The following DPH6 variants were observed in gnomAD, a reference collection of about 807,000 sequenced individuals.
The protein encoded by DPH6 is diphthamine biosynthesis 6.
A neutral mutation model predicts 38.2 loss-of-function variants in DPH6; 33 were observed. The observed-to-expected ratio is 0.86, with a 90% CI of 0.65 to 1.15. The LOEUF is 1.15. Among genes scored for constraint, DPH6 ranks in the 50% most tolerant of loss-of-function variants. DPH6 has a pLI of 0.00. For missense variants in DPH6, 325 were observed against 320.0 expected, an observed-to-expected ratio of 1.02 and a Z score of -0.12; for synonymous variants, 108 against 103.0, an observed-to-expected ratio of 1.05 and a Z score of -0.30.
At chr15:35,489,336 T>C (rs979500052) in intron 3 of DPH6, 1 of 985,262 alleles carries the variant, frequency 1.0e-6, no homozygotes, top group Non-Finnish European at 1.2e-6. Flanking sequence ...TAAGAATTTT[T>C]TGAAAGTGCT....
At chr15:35,161,618 A>C in the DPH6 span, among the ~76,000 whole-genome samples, 1 of 151,896 alleles carries the variant, frequency 6.6e-6, no homozygotes, top group Non-Finnish European at 1.5e-5. Flanking sequence ...AGACAAGGTC[A>C]TGAGAGTGAG....
the DPH6 span, among the ~76,000 whole-genome samples, chr15:35,162,588 A>G: frequency 6.6e-6 from 1 of 151,966 alleles, no homozygotes; most frequent in African/African-American, 2.4e-5. Flanking sequence ...TTTCTTGAAC[A>G]TTTTATCTAA....
At chr15:35,436,870 G>C (rs970637635) in intron 5 of DPH6, among the ~76,000 whole-genome samples, 1 of 149,984 alleles carries the variant, frequency 6.7e-6, no homozygotes, top group Non-Finnish European at 1.5e-5. Flanking sequence ...TCTCTCCCTT[G>C]TTGGAGGACT....
the DPH6 span, among the ~76,000 whole-genome samples, chr15:35,211,892 C>G: frequency 6.6e-6 from 1 of 152,146 alleles, no homozygotes; most frequent in African/African-American, 2.4e-5. Context: ...ATTACCTGCC[C>G]AACACTTGAC....
At chr15:35,290,009 A>C (rs932970245) in intron 3 of DPH6, among the ~76,000 whole-genome samples, 12 of 152,206 alleles carry the variant, frequency 7.9e-5, no homozygotes, top group African/African-American at 2.9e-4. Context: ...TGTTATGCAT[A>C]CTCAAAATAA....
chr15:35,542,889 TAATA>T (rs1396069349), intron 1 of DPH6, among the ~76,000 whole-genome samples: 3 of 134,278 alleles, frequency 2.2e-5, no homozygotes, highest in African/African-American at 8.1e-5. Flanking sequence ...ATATATATAA[TAATA>T]TATATTATTC....
In DPH6 at chr15:35,454,807, ACTT is replaced by A. The variant is rs764066433; in HGVS notation, c.323_325del (p.Glu108del). On this transcript the variant is annotated inframe_deletion, in exon 4 of 9. Coordinates refer to ENST00000256538, the MANE Select transcript of DPH6 (RefSeq NM_080650.4). The stretch of plus-strand genomic sequence containing the variant: ...TATAGCACCTACTGATATCCCCTCT[ACTT>A]CTTCTTTTTCCTGAAAATAAAGAAA... 3.1e-5 allele frequency: 49 copies of A among 1,599,512 alleles called. No individual in the cohort carries two copies. Among genetic ancestry groups the A allele is most frequent in the Middle Eastern group, 1.7e-4 (1 of 6,052 alleles).
chr15:35,542,143 G>A (rs1388403114), intron 2 of DPH6, among the ~76,000 whole-genome samples: 1 of 152,050 alleles, frequency 6.6e-6, no homozygotes, highest in African/African-American at 2.4e-5. Flanking sequence ...AACTCTACAA[G>A]TTTGTGCTAG....
At chr15:35,310,477 A>G (rs1014830849) in intron 3 of DPH6, among the ~76,000 whole-genome samples, 1 of 152,190 alleles carries the variant, frequency 6.6e-6, no homozygotes, top group African/African-American at 2.4e-5. Context: ...TCACAAAAAA[A>G]GTAGCAATTT....
At chr15:35,379,760 G>A (rs983595552) in intron 7 of DPH6, among the ~76,000 whole-genome samples, 3 of 152,018 alleles carry the variant, frequency 2.0e-5, no homozygotes, top group African/African-American at 4.8e-5. Context: ...ATACATAAAA[G>A]TATGTGAAAT....
At chr15:35,219,145 A>G (rs1171075608) in exon 4 of DPH6, 1 of 152,202 alleles carries the variant, frequency 6.6e-6, no homozygotes, top group East Asian at 1.9e-4. Flanking sequence ...TGTGGTTGAT[A>G]TAAAGCAGCA....
rs529790102 is a variant in DPH6, at chr15:35,436,370, G to A, written c.505+14315C>T. ...ACTCCCAGCTACTCGGGAGGCTGAG[G>A]CAGGAGAATGGCGTGAACCAGGGAG... On this transcript the variant is annotated intron_variant, in intron 5 of 8. Transcript: ENST00000256538. 2.6e-5 allele frequency among the ~76,000 whole-genome samples: 4 copies of A among 152,072 alleles called. No homozygotes were observed. In the South Asian group the frequency reaches 8.3e-4, roughly 32 times the overall value.
chr15:35,513,784 C>T (rs1254729027), intron 3 of DPH6, among the ~76,000 whole-genome samples: 1 of 151,882 alleles, frequency 6.6e-6, no homozygotes, highest in East Asian at 1.9e-4. Context: ...TAAAGCATAT[C>T]TTTAAGATGT....
chr15:35,236,555 T>C (rs1174888140), intron 3 of DPH6, among the ~76,000 whole-genome samples: 3 of 151,000 alleles, frequency 2.0e-5, no homozygotes, highest in East Asian at 1.9e-4. Context: ...AGGAGAATGG[T>C]GTGAACCTGG....
At chr15:35,455,933 A>T (rs1412725390) in intron 3 of DPH6, among the ~76,000 whole-genome samples, 6 of 152,220 alleles carry the variant, frequency 3.9e-5, no homozygotes, top group Admixed American at 1.3e-4. Context: ...TACTGAAATA[A>T]CCCTGTGTAC....
intron 3 of DPH6, among the ~76,000 whole-genome samples, chr15:35,308,807 A>G (rs1282793584): frequency 1.3e-5 from 2 of 152,226 alleles, no homozygotes; most frequent in African/African-American, 4.8e-5. Flanking sequence ...AACACTATGG[A>G]GATAGCAAAT....
intron 3 of DPH6, chr15:35,237,712 C>T (rs1269770488): frequency 1.1e-5 from 18 of 1,613,712 alleles, no homozygotes; most frequent in South Asian, 5.5e-5. Context: ...CCAACCTGAA[C>T]GACTACCGAG....
intron 3 of DPH6, among the ~76,000 whole-genome samples, chr15:35,284,643 G>A (rs1171182317): frequency 1.3e-5 from 2 of 150,292 alleles, no homozygotes; most frequent in African/African-American, 2.4e-5. Flanking sequence ...AAAAATGAAT[G>A]AAAGAAGAAA....
At chr15:35,394,287 C>T (rs561771358) in intron 6 of DPH6, among the ~76,000 whole-genome samples, 1 of 152,086 alleles carries the variant, frequency 6.6e-6, no homozygotes, top group African/African-American at 2.4e-5. Context: ...ATATTATCAT[C>T]TTATTTAATA....
Sources: allele counts gnomAD v4.1 joint callset (sites outside exome capture counted in the v4.1 genomes callset), GRCh38; gene constraint gnomAD v4.1.1; transcripts MANE v1.5; gene names NCBI Gene and HGNC (gene_info 2026-07-23, HGNC 2026-07-21).